Variants in HSD17B4 observed in about 807,000 individuals in gnomAD.
The protein encoded by HSD17B4 is hydroxysteroid 17-beta dehydrogenase 4, also known as peroxisomal multifunctional enzyme type 2.
In HSD17B4, 70 loss-of-function variants were observed where a neutral mutation model predicts 101.0. The observed-to-expected ratio is 0.69, with a 90% CI of 0.57 to 0.85. The LOEUF is 0.85. HSD17B4 is among the 40% of genes least tolerant of loss of function. HSD17B4 has a pLI of 0.00. For synonymous variants in HSD17B4, 347 were observed against 297.1 expected (o/e 1.17, Z -1.73); for missense variants, 984 against 892.4 (o/e 1.10, Z -1.31).
At chr5:119,534,857 C>G (rs1474500711) in intron 22 of HSD17B4, among the ~76,000 whole-genome samples, 1 of 152,082 alleles carries the variant, frequency 6.6e-6, no homozygotes, top group East Asian at 1.9e-4. Flanking sequence ...TGACTGCGTG[C>G]TCATGTACAT....
intron 16 of HSD17B4, among the ~76,000 whole-genome samples, chr5:119,510,986 T>C (rs1228885586): frequency 1.3e-5 from 2 of 152,176 alleles, no homozygotes; most frequent in African/African-American, 4.8e-5. Flanking sequence ...CTGTGGCAGG[T>C]TGAGAATACT....
In HSD17B4 at chr5:119,531,247, AT is replaced by A; in HGVS notation, c.1855-15del. The A allele has an allele frequency of 6.2e-7, 1 of 1,612,508 alleles. No individual in the cohort carries two copies. Among genetic ancestry groups the A allele is most frequent in the South Asian group, 1.1e-5 (1 of 91,054 alleles). On this transcript the variant is annotated intron_variant, in intron 21 of 23. Coordinates refer to ENST00000510025, the MANE Select transcript of HSD17B4 (RefSeq NM_000414.4). The stretch of plus-strand genomic sequence containing the variant: ...TATTTTTACAGAACTTTTAAAGTTT[AT>A]TTTGTTGTCGTTGTTAGGGCGGGAA...
chr5:119,505,479 C>T (rs780442073), intron 14 of HSD17B4, among the ~76,000 whole-genome samples: 14 of 151,982 alleles, frequency 9.2e-5, no homozygotes, highest in Non-Finnish European at 1.9e-4. Flanking sequence ...TAGATGTATT[C>T]CTAGATATTT....
At chr5:119,469,616 A>T (rs1756155821) in intron 2 of HSD17B4, among the ~76,000 whole-genome samples, 1 of 152,190 alleles carries the variant, frequency 6.6e-6, no homozygotes, top group African/African-American at 2.4e-5. Flanking sequence ...GGGCCTCCCA[A>T]AGTGCTGGGA....
Position 119,473,965 on chromosome 5 carries a change from A to T in HSD17B4, c.170A>T (p.Lys57Met). 6.2e-7 allele frequency: 1 copy of T among 1,612,894 alleles called. No individual in the cohort carries two copies. Among genetic ancestry groups the T allele is most frequent in the Non-Finnish European group, 8.5e-7 (1 of 1,178,940 alleles). Residue 57 changes from lysine (K) to methionine (M), a missense_variant, in exon 3 of 24, where the codon AAG becomes ATG. Coordinates refer to ENST00000510025, the MANE Select transcript of HSD17B4 (RefSeq NM_000414.4). The part of the protein sequence containing the change: ...GVGKGSLAAD[K>M]VVEEIRRRGG... The stretch of plus-strand genomic sequence containing the variant: ...GGTAAAGGCTCCTTAGCTGCTGATA[A>T]GGTTGTTGAAGAAATAAGAAGGAGA...
Position 119,489,274 on chromosome 5 carries a change from C to T in HSD17B4, c.705C>T (p.Gly235=), listed in dbSNP as rs1169436551. 1 of 1,609,338 alleles carries T rather than the reference C, an allele frequency of 6.2e-7. No individual in the cohort carries two copies. The highest frequency in any genetic ancestry group is 1.1e-5 in the South Asian group (1 of 90,992). ...ACGAGAGTTGTGAGGAGAATGGTGG[C>T]TTGTTTGAGGTATTTGCACCTTCCT... The part of the protein sequence containing the change: ...LCHESCEENG[G]LFEVGAGWIG... Residue 235 remains glycine, a synonymous_variant, in exon 9 of 24, where the codon GGC becomes GGT. Coordinates refer to ENST00000510025, the MANE Select transcript of HSD17B4 (RefSeq NM_000414.4).
Position 119,494,970 on chromosome 5 carries a change from C to CT in HSD17B4, c.868+1032dup, listed in dbSNP as rs1050891483. Among the ~76,000 whole-genome samples the CT allele has an allele frequency of 2.6e-5, 4 of 151,350 alleles. No homozygotes were observed. In the East Asian group the frequency reaches 7.7e-4, roughly 29 times the overall value. On this transcript the variant is annotated intron_variant, in intron 11 of 23. Coordinates refer to ENST00000510025, the MANE Select transcript of HSD17B4 (RefSeq NM_000414.4). Reference sequence around the variant, plus strand: ...GAGTCAGGGTCATTTTGTAGAAAAACTTTTTTTTCTCATAGTAATGTAATA... The same window carrying CT: ...GAGTCAGGGTCATTTTGTAGAAAAACTTTTTTTTTCTCATAGTAATGTAATA...
chr5:119,454,889 T>C (rs908563774), intron 1 of HSD17B4, among the ~76,000 whole-genome samples: 3 of 152,178 alleles, frequency 2.0e-5, no homozygotes, highest in African/African-American at 7.2e-5. Flanking sequence ...CATAAAGTGT[T>C]GGGATTACAG....
At chr5:119,477,249 A>T (rs962183419) in intron 6 of HSD17B4, among the ~76,000 whole-genome samples, 168 bp from the exon 7 acceptor site, 1 of 152,216 alleles carries the variant, frequency 6.6e-6, no homozygotes, top group Non-Finnish European at 1.5e-5. Flanking sequence ...ATTGATTAGT[A>T]GCATAACTGG....
At chr5:119,540,319 T>C (rs1369052813) in intron 23 of HSD17B4, among the ~76,000 whole-genome samples, 1 of 150,958 alleles carries the variant, frequency 6.6e-6, no homozygotes, top group Non-Finnish European at 1.5e-5. Context: ...TGAGAGAGTT[T>C]GCTGTGATGT....
At chr5:119,456,130 C>G (rs1754618996) in intron 1 of HSD17B4, among the ~76,000 whole-genome samples, 185 bp from the exon 2 acceptor site, 1 of 152,102 alleles carries the variant, frequency 6.6e-6, no homozygotes. Context: ...CAGTTTTAAG[C>G]TTTCCAGCCT....
chr5:119,489,121 A>C, intron 8 of HSD17B4, 71 bp from the exon 9 acceptor site: 2 of 1,047,678 alleles, frequency 1.9e-6, no homozygotes, highest in African/African-American at 1.6e-5. Context: ...TGAATTACCT[A>C]TAATTTTATA....
chr5:119,505,575 T>C (rs903901456), intron 14 of HSD17B4, among the ~76,000 whole-genome samples: 11 of 152,220 alleles, frequency 7.2e-5, no homozygotes, highest in African/African-American at 2.7e-4. Flanking sequence ...ATGCTACTCT[T>C]TTTTGTTCAT....
At chr5:119,524,176 T>C (rs953793449) in intron 17 of HSD17B4, among the ~76,000 whole-genome samples, 10 of 152,058 alleles carry the variant, frequency 6.6e-5, no homozygotes, top group Admixed American at 5.9e-4. Context: ...GAAAGAATAT[T>C]GAGTCATTGG....
intron 1 of HSD17B4, among the ~76,000 whole-genome samples, chr5:119,454,400 G>C (rs552942724): frequency 6.6e-6 from 1 of 151,598 alleles, no homozygotes; most frequent in African/African-American, 2.4e-5. Context: ...TGAACTCCTG[G>C]GCTCAAGTGA....
intron 16 of HSD17B4, among the ~76,000 whole-genome samples, chr5:119,514,675 T>C (rs1353095522): frequency 6.6e-6 from 1 of 152,202 alleles, no homozygotes; most frequent in African/African-American, 2.4e-5. Context: ...CTTGTAGTTG[T>C]TTTCATCTTT....
intron 6 of HSD17B4, chr5:119,476,854 T>C: frequency 7.8e-6 from 2 of 256,200 alleles, no homozygotes; most frequent in Non-Finnish European, 1.2e-5. Context: ...AACATTTGTT[T>C]TACCAAAAAT....
intron 19 of HSD17B4, among the ~76,000 whole-genome samples, chr5:119,526,613 A>C (rs1753623544): frequency 6.6e-6 from 1 of 152,026 alleles, no homozygotes; most frequent in African/African-American, 2.4e-5. Context: ...GCAGTAGTGA[A>C]AATATATTTT....
At chr5:119,517,375 C>A (rs1752719877) in intron 17 of HSD17B4, among the ~76,000 whole-genome samples, 2 of 152,348 alleles carry the variant, frequency 1.3e-5, no homozygotes, top group South Asian at 4.1e-4. Context: ...GCCCGCCATG[C>A]CTGAGCCTCC....
Sources: allele counts gnomAD v4.1 joint callset (sites outside exome capture counted in the v4.1 genomes callset), GRCh38; gene constraint gnomAD v4.1.1; transcripts MANE v1.5; gene names NCBI Gene and HGNC (gene_info 2026-07-23, HGNC 2026-07-21).